The following SPTBN4 variants were observed in gnomAD, a reference collection of about 807,000 sequenced individuals.
The protein encoded by SPTBN4 is spectrin beta, non-erythrocytic 4.
In SPTBN4, 96 loss-of-function variants were observed where a neutral mutation model predicts 277.8. That is an observed-to-expected ratio of 0.35 (90% CI 0.29 to 0.41). SPTBN4 has a LOEUF of 0.41. Ranked by LOEUF, SPTBN4 falls within the 10% of genes least tolerant of loss-of-function variation. SPTBN4 has a pLI of 1.00. For missense variants in SPTBN4, 3,006 were observed against 3,595.7 expected, an observed-to-expected ratio of 0.84 and a Z score of 4.19; for synonymous variants, 1,481 against 1,580.3, an observed-to-expected ratio of 0.94 and a Z score of 1.49.
In SPTBN4 at chr19:40,560,041, T is replaced by A. The variant is rs2081025500; in HGVS notation, c.5671-118T>A. On this transcript the variant is annotated intron_variant, in intron 26 of 35. Transcript: ENST00000598249. This position sits in a 1 kb window ranked among gnomAD's most constrained non-coding sequence, Gnocchi z 5.2. Reference sequence around the variant, plus strand: ...AGCAGATATGACAGGAGCCTGGCTGTGGGATCACAGTGTGAGGCTCCTTAT... The same window carrying A: ...AGCAGATATGACAGGAGCCTGGCTGAGGGATCACAGTGTGAGGCTCCTTAT... 1.4e-6 allele frequency: 2 copies of A among 1,434,378 alleles called. No individual in the cohort carries two copies. The highest frequency in any genetic ancestry group is 2.9e-5 in the African/African-American group (2 of 69,910). The allele number at this position is 1,434,378 out of a possible 1,614,324, so 88.9% of individuals were successfully genotyped here. A position where few individuals can be genotyped will look rare whatever the true frequency, so the allele number is the denominator to read the frequency against.
At chr19:40,529,269 C>A in intron 18 of SPTBN4, 138 bp downstream of exon 18, 1 of 771,530 alleles carries the variant, frequency 1.3e-6, no homozygotes, top group Non-Finnish European at 2.1e-6. Flanking sequence ...CCAGGGGGCG[C>A]GCGGAGCCGG....
intron 16 of SPTBN4, among the ~76,000 whole-genome samples, chr19:40,521,166 G>T (rs909466732): frequency 6.6e-6 from 1 of 151,952 alleles, no homozygotes; most frequent in East Asian, 1.9e-4. Context: ...CTCATGATCC[G>T]CCTGCCTCGG....
intron 13 of SPTBN4, among the ~76,000 whole-genome samples, chr19:40,511,996 C>T (rs1026891509): frequency 6.6e-6 from 1 of 152,000 alleles, no homozygotes; most frequent in East Asian, 1.9e-4. Context: ...TGGTGGCGGG[C>T]GCCTGTAATC....
intron 18 of SPTBN4, among the ~76,000 whole-genome samples, chr19:40,531,501 CAGG>C (rs928293276): frequency 4.5e-4 from 9 of 20,210 alleles, no homozygotes; most frequent in African/African-American, 1.6e-3. Flanking sequence ...TTTTTTTTTG[CAGG>C]AGGGAGGAGG....
At chr19:40,478,027 TG>T (rs1212778133) in intron 2 of SPTBN4, among the ~76,000 whole-genome samples, 2 of 151,896 alleles carry the variant, frequency 1.3e-5, no homozygotes, top group South Asian at 4.2e-4. Context: ...TTAGTAGAGA[TG>T]GGGGTTTCAC....
At chr19:40,495,859 G>A (rs901529191) in intron 6 of SPTBN4, among the ~76,000 whole-genome samples, 1 of 151,972 alleles carries the variant, frequency 6.6e-6, no homozygotes, top group African/African-American at 2.4e-5. Flanking sequence ...GCAGGAAGGG[G>A]CTTGTGGTGG....
chr19:40,532,641 A>G lies in SPTBN4; in HGVS notation c.3965A>G (p.His1322Arg). The G allele has an allele frequency of 2.5e-6, 4 of 1,613,398 alleles. No homozygotes were observed. Among genetic ancestry groups the G allele is most frequent in the Non-Finnish European group, 8.5e-7 (1 of 1,179,616 alleles). The change falls in exon 19 of 36, where the codon CAT (histidine) becomes CGT (arginine). Residue 1322 changes from histidine (H) to arginine (R), a missense_variant. Coordinates refer to ENST00000598249, the MANE Select transcript of SPTBN4 (RefSeq NM_020971.3). ...TCTGCACAGCTGGATGGCTGGATCC[A>G]TGAGAAGATGCTGATGGCGCGGGAT... is the stretch of plus-strand genomic sequence containing the variant. ...RDCHELDGWI[H>R]EKMLMARDGT...
chr19:40,501,319 C>G (rs560065376), intron 7 of SPTBN4, among the ~76,000 whole-genome samples: 1 of 151,838 alleles, frequency 6.6e-6, no homozygotes, highest in Admixed American at 6.6e-5. Flanking sequence ...GTGCTCCAGA[C>G]AGTGAGAACA....
intron 20 of SPTBN4, among the ~76,000 whole-genome samples, chr19:40,536,681 G>C (rs1310644876): frequency 6.6e-6 from 1 of 152,170 alleles, no homozygotes; most frequent in African/African-American, 2.4e-5. Flanking sequence ...AGGCATAATG[G>C]CTCATGCCTG....
At chr19:40,504,504 TA>T (rs1206754107) in intron 12 of SPTBN4, among the ~76,000 whole-genome samples, 1 of 151,876 alleles carries the variant, frequency 6.6e-6, no homozygotes, top group East Asian at 1.9e-4. Flanking sequence ...CCATCTCTAC[TA>T]AAAATACAAA....
chr19:40,489,943 G>A, intron 3 of SPTBN4, 132 bp from the exon 4 acceptor site: 1 of 866,660 alleles, frequency 1.2e-6, no homozygotes, highest in Non-Finnish European at 1.7e-6. Context: ...AAAACGAGAG[G>A]AGGACAGCCT....
chr19:40,495,229 G>A (rs975020932), intron 6 of SPTBN4, among the ~76,000 whole-genome samples: 4 of 152,076 alleles, frequency 2.6e-5, no homozygotes, highest in Non-Finnish European at 2.9e-5. Flanking sequence ...ATGAGCCCTC[G>A]CACAGATGCA....
At chr19:40,570,083 C>T (rs898004132) in intron 32 of SPTBN4, among the ~76,000 whole-genome samples, 3 of 151,634 alleles carry the variant, frequency 2.0e-5, no homozygotes, top group African/African-American at 7.3e-5. Flanking sequence ...ATTTCTTCAG[C>T]TCAGTGGGGT....
chr19:40,504,137 C>CTGGGG lies in SPTBN4; in HGVS notation c.1665+5_1665+6insTGGGG. ...GACTGGATGGAGGAGATGCAGGTGCCGGCGGGGGGGCGGGGATGCGGGTGG... is the reference window on the plus strand; with the variant it reads ...GACTGGATGGAGGAGATGCAGGTGCCTGGGGGGCGGGGGGGCGGGGATGCGGGTGG... On this transcript the variant is annotated splice_donor_region_variant and intron_variant, in intron 12 of 35. Transcript: ENST00000598249. 6.8e-6 allele frequency: 4 copies of CTGGGG among 585,330 alleles called. No homozygotes were observed. Among genetic ancestry groups the CTGGGG allele is most frequent in the Non-Finnish European group, 4.7e-6 (2 of 422,658 alleles). 36.3% of individuals were successfully genotyped at this position (585,330 alleles called of 1,614,324 possible).
intron 17 of SPTBN4, among the ~76,000 whole-genome samples, chr19:40,527,842 G>C (rs1190938563): frequency 1.3e-5 from 2 of 152,152 alleles, no homozygotes; most frequent in Non-Finnish European, 2.9e-5. Context: ...GATCACTTGA[G>C]GTCAGGAGTT....
intron 13 of SPTBN4, among the ~76,000 whole-genome samples, chr19:40,508,114 C>T (rs2080350344): frequency 6.6e-6 from 1 of 152,214 alleles, no homozygotes; most frequent in Admixed American, 6.5e-5. Context: ...ATCTAATCGG[C>T]CACATGCATG....
chr19:40,502,844 G>T lies in SPTBN4; in HGVS notation c.1273G>T (p.Glu425Ter). 6.2e-7 allele frequency: 1 copy of T among 1,613,960 alleles called. No homozygotes were observed. Among genetic ancestry groups the T allele is most frequent in the Non-Finnish European group, 8.5e-7 (1 of 1,180,026 alleles). Reference sequence around the variant, plus strand: ...CCTACGGGCTGAGCTGATTCGGCAGGAGAAGCTGGAACTACTGGCACAGAG... The same window carrying T: ...CCTACGGGCTGAGCTGATTCGGCAGTAGAAGCTGGAACTACTGGCACAGAG... ...AALRAELIRQ[E>*]KLELLAQRFD... is the part of the protein sequence containing the mutation. The change falls in exon 11 of 36, where the codon GAG becomes TAG. Residue 425 changes from glutamate to a stop codon, truncating the protein, a stop_gained. Transcript: ENST00000598249. LOFTEE classifies it high-confidence loss of function. This position sits in a 1 kb window ranked among gnomAD's most constrained non-coding sequence, Gnocchi z 4.9.
intron 13 of SPTBN4, among the ~76,000 whole-genome samples, chr19:40,508,893 C>A (rs1599746045): frequency 6.6e-6 from 1 of 151,780 alleles, no homozygotes; most frequent in Non-Finnish European, 1.5e-5. Flanking sequence ...TCATTGGCAG[C>A]TGTCATTCAT....
intron 15 of SPTBN4, among the ~76,000 whole-genome samples, chr19:40,517,248 G>T (rs891149568): frequency 6.6e-6 from 1 of 151,966 alleles, no homozygotes; most frequent in Non-Finnish European, 1.5e-5. Flanking sequence ...ATCAAACCGG[G>T]CTTTGAAGAT....
Sources: allele counts gnomAD v4.1 joint callset (sites outside exome capture counted in the v4.1 genomes callset), GRCh38; gene constraint gnomAD v4.1.1; non-coding constraint Gnocchi (gnomAD v3.1); transcripts MANE v1.5; gene names NCBI Gene and HGNC (gene_info 2026-07-23, HGNC 2026-07-21).